Variants in VTI1A observed in about 807,000 individuals in gnomAD.
VTI1A encodes the protein vesicle transport through interaction with t-SNAREs 1A.
In VTI1A, 22 loss-of-function variants were observed where a neutral mutation model predicts 34.9. The observed-to-expected ratio is 0.63, with a 90% confidence interval of 0.45 to 0.90. The LOEUF is 0.90. Ranked by LOEUF, VTI1A falls within the 40% of genes least tolerant of loss-of-function variation. VTI1A has a pLI of 0.00. For missense variants in VTI1A, 268 were observed against 275.6 expected, an observed-to-expected ratio of 0.97 and a Z score of 0.20; for synonymous variants, 87 against 97.3, an observed-to-expected ratio of 0.89 and a Z score of 0.62.
chr10:112,480,240 A>G (rs1848417666), intron 3 of VTI1A, among the ~76,000 whole-genome samples: 1 of 152,202 alleles, frequency 6.6e-6, no homozygotes, highest in Non-Finnish European at 1.5e-5. Flanking sequence ...CTAAAGAACA[A>G]ATGAGGAAGC....
chr10:112,595,914 A>C (rs889684015), intron 5 of VTI1A, among the ~76,000 whole-genome samples: 2 of 152,204 alleles, frequency 1.3e-5, no homozygotes, highest in African/African-American at 4.8e-5. Flanking sequence ...AACCAACCCA[A>C]ATGTCCAACA....
At chr10:112,467,376 C>T (rs1303693327) in intron 3 of VTI1A, among the ~76,000 whole-genome samples, 1 of 151,952 alleles carries the variant, frequency 6.6e-6, no homozygotes, top group Non-Finnish European at 1.5e-5. Flanking sequence ...CAGGGATGTC[C>T]AATTTTTTAG....
At chr10:112,575,283 A>G (rs563621199) in intron 5 of VTI1A, among the ~76,000 whole-genome samples, 3 of 152,200 alleles carry the variant, frequency 2.0e-5, no homozygotes, top group Non-Finnish European at 4.4e-5. Flanking sequence ...AAAACTGATG[A>G]AAGTTAGGTT....
chr10:112,557,997 G>A (rs1445943793), intron 5 of VTI1A, among the ~76,000 whole-genome samples: 2 of 152,154 alleles, frequency 1.3e-5, no homozygotes, highest in Non-Finnish European at 2.9e-5. Flanking sequence ...GGTTTGAAAG[G>A]GCTTCCTACA....
intron 5 of VTI1A, among the ~76,000 whole-genome samples, chr10:112,648,821 G>T (rs1425175826): frequency 1.3e-5 from 2 of 152,106 alleles, no homozygotes; most frequent in African/African-American, 4.8e-5. Flanking sequence ...TTCCTAAATA[G>T]ATTACCTGAT....
At chr10:112,742,578 A>C (rs189918876) in intron 7 of VTI1A, among the ~76,000 whole-genome samples, 1 of 152,214 alleles carries the variant, frequency 6.6e-6, no homozygotes, top group African/African-American at 2.4e-5. Flanking sequence ...CCAGGAGTGG[A>C]GGCTGCTAAA....
chr10:112,782,288 G>A (rs1037436141), intron 7 of VTI1A, among the ~76,000 whole-genome samples: 3 of 152,254 alleles, frequency 2.0e-5, no homozygotes, highest in African/African-American at 4.8e-5. Context: ...TTTCAAAGCA[G>A]CACTGAGAGT....
chr10:112,466,529 A>G (rs10159566), intron 3 of VTI1A, among the ~76,000 whole-genome samples: 94,028 of 152,028 alleles, frequency 0.62, 30,438 homozygotes, highest in Non-Finnish European at 0.72. Flanking sequence ...GTGAAAGGCT[A>G]GTTTTTCTCA....
At chr10:112,783,271 G>A (rs946822905) in intron 7 of VTI1A, among the ~76,000 whole-genome samples, 4 of 152,192 alleles carry the variant, frequency 2.6e-5, no homozygotes, top group Non-Finnish European at 5.9e-5. Flanking sequence ...TTGTCTGAAA[G>A]CTACCAAATG....
intron 7 of VTI1A, among the ~76,000 whole-genome samples, chr10:112,712,282 C>T (rs1849444443): frequency 2.0e-5 from 3 of 152,010 alleles, no homozygotes; most frequent in Admixed American, 2.0e-4. Flanking sequence ...TTTATTGGAC[C>T]AGGACAGAAG....
In VTI1A at chr10:112,617,357, T is replaced by C. The variant is rs555606962; in HGVS notation, c.428-50861T>C. ...AAACTAGGAGATTGCCATCTGTAGA[T>C]TTTTACTAAAGGGGTTTTTTAAAAG... On this transcript the variant is annotated intron_variant, in intron 5 of 7. Transcript: ENST00000393077. 2.0e-5 allele frequency among the ~76,000 whole-genome samples: 3 copies of C among 152,224 alleles called. No homozygotes were observed. The East Asian group carries it at 5.8e-4, about 29-fold the overall frequency.
chr10:112,717,197 C>CAAGGCGT lies in VTI1A; in HGVS notation c.560+48199_560+48200insAAGGCGT, dbSNP rs1849640374. Among the ~76,000 whole-genome samples, 3 of 152,226 alleles carry CAAGGCGT rather than the reference C, an allele frequency of 2.0e-5. No individual in the cohort carries two copies. In the South Asian group the frequency reaches 6.2e-4, roughly 32 times the overall value. On this transcript the variant is annotated intron_variant, in intron 7 of 7. Coordinates refer to ENST00000393077, the MANE Select transcript of VTI1A (RefSeq NM_145206.4). ...ATGTTGATTTACAAGGCGTCTTTGC[C>CAAGGCGT]CATTACATTTATTTACATGTCCAGA...
At position 112,464,570 on chromosome 10, in the gene VTI1A, C is replaced by A; in HGVS notation, c.177C>A (p.Val59=). Residue 59 remains valine, a synonymous_variant, in exon 3 of 8, where the codon GTC becomes GTA. Coordinates refer to ENST00000393077, the MANE Select transcript of VTI1A (RefSeq NM_145206.4). ...KELLEQMDLE[V]REIPPQSRGM... ...AGCTTGAACAGATGGATTTGGAAGTCCGAGAGATACCACCCCAAAGTCGAG... is the reference window on the plus strand; with the variant it reads ...AGCTTGAACAGATGGATTTGGAAGTACGAGAGATACCACCCCAAAGTCGAG... The A allele has an allele frequency of 6.2e-7, 1 of 1,612,580 alleles. No individual in the cohort carries two copies. The highest frequency in any genetic ancestry group is 8.5e-7 in the Non-Finnish European group (1 of 1,179,028).
At chr10:112,736,795 AT>A in intron 7 of VTI1A, 1 of 1,462,194 alleles carries the variant, frequency 6.8e-7, no homozygotes, top group South Asian at 1.2e-5. Context: ...GCCAGTGGAA[AT>A]TACTCAAACA....
chr10:112,622,796 G>A (rs1845782107), intron 5 of VTI1A, among the ~76,000 whole-genome samples: 1 of 152,174 alleles, frequency 6.6e-6, no homozygotes, highest in African/African-American at 2.4e-5. Flanking sequence ...GTACAAGTTA[G>A]GAAGTAGATT....
At chr10:112,850,584 A>C in the VTI1A span, among the ~76,000 whole-genome samples, 1 of 152,144 alleles carries the variant, frequency 6.6e-6, no homozygotes, top group South Asian at 2.1e-4. Flanking sequence ...AATGAAACTT[A>C]AGTTTCTGCA....
intron 5 of VTI1A, chr10:112,548,668 G>A: frequency 1.7e-6 from 2 of 1,176,626 alleles, no homozygotes; most frequent in Admixed American, 1.7e-5. Flanking sequence ...TGGTGACTTT[G>A]CCAGCTCCAG....
chr10:112,612,331 C>A (rs1438317021), intron 5 of VTI1A, among the ~76,000 whole-genome samples: 1 of 152,156 alleles, frequency 6.6e-6, no homozygotes, highest in African/African-American at 2.4e-5. Flanking sequence ...GGTCGTCATA[C>A]ATACATTTGG....
At chr10:112,763,332 C>T (rs953678844) in intron 7 of VTI1A, among the ~76,000 whole-genome samples, 5 of 151,282 alleles carry the variant, frequency 3.3e-5, no homozygotes, top group Admixed American at 2.0e-4. Flanking sequence ...CCCAGCTACT[C>T]GGGAGGCTGA....
Sources: gnomAD v4.1 joint callset for allele counts (sites outside exome capture counted in the v4.1 genomes callset) on GRCh38, gnomAD v4.1.1 for gene constraint, MANE v1.5 for transcripts, NCBI Gene and HGNC (gene_info 2026-07-23, HGNC 2026-07-21) for gene names.